Variants in GBE1 observed in about 807,000 individuals in gnomAD.
GBE1 encodes 1,4-alpha-glucan branching enzyme 1, also known as 1,4-alpha-glucan-branching enzyme.
Under a neutral mutation model 88.8 loss-of-function variants are expected in GBE1, and 70 were observed. That is an observed-to-expected ratio of 0.79 (90% CI 0.65 to 0.96). GBE1 has a LOEUF of 0.96. Ranked by LOEUF, GBE1 falls within the 40% of genes least tolerant of loss-of-function variation. The probability of loss-of-function intolerance (pLI) is 0.00; values close to 1 mark genes in which losing one functional copy is unlikely to be tolerated. For missense variants in GBE1, 872 were observed against 871.0 expected, an observed-to-expected ratio of 1.00 and a Z score of -0.01; for synonymous variants, 284 against 300.1, an observed-to-expected ratio of 0.95 and a Z score of 0.56.
intron 15 of GBE1, among the ~76,000 whole-genome samples, chr3:81,490,691 A>C (rs1023127937): frequency 6.6e-6 from 1 of 151,986 alleles, no homozygotes. Context: ...ACTTAATGAA[A>C]ACCAATGCTC....
At chr3:81,619,564 G>A (rs1036956870) in intron 7 of GBE1, among the ~76,000 whole-genome samples, 1 of 152,110 alleles carries the variant, frequency 6.6e-6, no homozygotes, top group African/African-American at 2.4e-5. Context: ...AAAATAAAAT[G>A]GGAGGTTGGA....
At chr3:81,517,335 A>T (rs915014073) in intron 14 of GBE1, among the ~76,000 whole-genome samples, 4 of 150,322 alleles carry the variant, frequency 2.7e-5, no homozygotes, top group Non-Finnish European at 5.9e-5. Context: ...TGGCATGTAC[A>T]TTTTTTTTTA....
At chr3:81,580,263 T>A (rs1270155955) in intron 11 of GBE1, among the ~76,000 whole-genome samples, 1 of 152,120 alleles carries the variant, frequency 6.6e-6, no homozygotes, top group African/African-American at 2.4e-5. Flanking sequence ...TTAAAAATAT[T>A]TATTAAGTGA....
intron 12 of GBE1, among the ~76,000 whole-genome samples, chr3:81,556,867 G>T (rs1278471101): frequency 6.6e-6 from 1 of 151,734 alleles, no homozygotes; most frequent in African/African-American, 2.4e-5. Flanking sequence ...GGATACAAAG[G>T]ACATAAATTT....
chr3:81,496,578 C>T (rs1294621551), intron 15 of GBE1, among the ~76,000 whole-genome samples: 1 of 152,136 alleles, frequency 6.6e-6, no homozygotes, highest in Non-Finnish European at 1.5e-5. Context: ...AGTGATCTCA[C>T]TGGAAGTGGT....
At chr3:81,636,025 T>C (rs1553687675) in intron 7 of GBE1, among the ~76,000 whole-genome samples, 1 of 152,178 alleles carries the variant, frequency 6.6e-6, no homozygotes, top group Non-Finnish European at 1.5e-5. Flanking sequence ...ACAAAGTTTA[T>C]ACAAAGACGG....
chr3:81,565,774 C>T (rs1287725000), intron 12 of GBE1, among the ~76,000 whole-genome samples: 1 of 151,980 alleles, frequency 6.6e-6, no homozygotes, highest in Non-Finnish European at 1.5e-5. Flanking sequence ...GAGTGCTAAA[C>T]AAGAAAGCAG....
At chr3:81,707,373 A>G (rs534154887) in intron 1 of GBE1, among the ~76,000 whole-genome samples, 1 of 152,202 alleles carries the variant, frequency 6.6e-6, no homozygotes, top group South Asian at 2.1e-4. Flanking sequence ...CAAATTTAAA[A>G]TTGAGTTTTA....
intron 3 of GBE1, among the ~76,000 whole-genome samples, chr3:81,652,530 C>G (rs1338564136): frequency 6.6e-6 from 1 of 152,170 alleles, no homozygotes; most frequent in Non-Finnish European, 1.5e-5. Context: ...CTCCTTCTCT[C>G]TTATTCATGG....
intron 3 of GBE1, among the ~76,000 whole-genome samples, chr3:81,665,103 A>G (rs1705092647): frequency 6.6e-6 from 1 of 152,184 alleles, no homozygotes; most frequent in Admixed American, 6.5e-5. Flanking sequence ...ATATATTCAC[A>G]TATATTATAC....
intron 12 of GBE1, among the ~76,000 whole-genome samples, chr3:81,568,773 C>CGT (rs1333342707): frequency 1.3e-4 from 19 of 151,478 alleles, no homozygotes; most frequent in African/African-American, 3.6e-4. Context: ...TAGACACGAA[C>CGT]GTGTGTGTGT....
chr3:81,516,567 C>G (rs1702801213), intron 14 of GBE1, among the ~76,000 whole-genome samples: 1 of 151,530 alleles, frequency 6.6e-6, no homozygotes, highest in Admixed American at 6.6e-5. Flanking sequence ...TTTCAACTTT[C>G]AACTCTTATT....
rs1181415335 is a variant in GBE1 at position 81,642,953 on chromosome 3, C to G, written c.820G>C (p.Asp274His). 6.2e-7 allele frequency: 1 copy of G among 1,612,506 alleles called. No homozygotes were observed. The highest frequency in any genetic ancestry group is 1.1e-5 in the South Asian group (1 of 90,970). ...GTPEELQELV[D>H]TAHSMGIIVL... The stretch of plus-strand genomic sequence containing the variant: ...ATGATACCCATGGAATGAGCTGTGT[C>G]TACCAGTTCTTGTAGCTCTTCAGGT... The change falls in exon 7 of 16, where the codon GAC (aspartate) becomes CAC (histidine). Residue 274 changes from aspartate to histidine, a missense_variant. Asp to His is a moderately conservative substitution (Grantham distance 81). Transcript: ENST00000429644.
chr3:81,714,791 C>T (rs780531650), intron 1 of GBE1, among the ~76,000 whole-genome samples: 1 of 152,174 alleles, frequency 6.6e-6, no homozygotes, highest in African/African-American at 2.4e-5. Flanking sequence ...AGACTGAGAA[C>T]CAGCAGATCC....
chr3:81,502,067 T>G (rs993156169), intron 14 of GBE1, among the ~76,000 whole-genome samples: 4 of 151,300 alleles, frequency 2.6e-5, no homozygotes, highest in African/African-American at 9.7e-5. Context: ...CAGAATTAAA[T>G]AATATTTAAT....
At chr3:81,730,158 AGTAATTCACTG>A (rs1007675930) in intron 1 of GBE1, among the ~76,000 whole-genome samples, 2 of 152,174 alleles carry the variant, frequency 1.3e-5, no homozygotes, top group African/African-American at 4.8e-5. Flanking sequence ...CTTACACTCA[AGTAATTCACTG>A]GTATTACTAT....
chr3:81,535,621 T>C (rs1470015574), intron 13 of GBE1, among the ~76,000 whole-genome samples: 6 of 152,042 alleles, frequency 3.9e-5, no homozygotes, highest in Non-Finnish European at 1.5e-5. Context: ...CTATACATAC[T>C]ACAAAGTGTT....
intron 7 of GBE1, chr3:81,612,395 T>C (rs1704195459): frequency 1.2e-6 from 1 of 832,406 alleles, no homozygotes; most frequent in Admixed American, 1.8e-5. Flanking sequence ...ATGAAATTCT[T>C]TGGGAATAAT....
intron 8 of GBE1, 105 bp from the exon 9 acceptor site, chr3:81,591,269 T>C (rs1439834153): frequency 1.1e-5 from 10 of 887,088 alleles, no homozygotes; most frequent in Middle Eastern, 2.4e-4. Context: ...TTTGTTATTG[T>C]AGCAGTTTAA....
Sources: gnomAD v4.1 joint callset for allele counts (sites outside exome capture counted in the v4.1 genomes callset) on GRCh38, gnomAD v4.1.1 for gene constraint, MANE v1.5 for transcripts, NCBI Gene and HGNC (gene_info 2026-07-23, HGNC 2026-07-21) for gene names.